Variants in SYT1 observed in about 807,000 individuals in gnomAD.
The protein encoded by SYT1 is synaptotagmin-1.
A neutral mutation model predicts 44.8 loss-of-function variants in SYT1; 8 were observed. That is an observed-to-expected ratio of 0.18 (90% CI 0.10 to 0.32). The LOEUF is 0.32. Ranked by LOEUF, SYT1 falls within the 10% of genes least tolerant of loss-of-function variation. The pLI is 1.00. For missense variants in SYT1, 286 were observed against 509.3 expected (o/e 0.56, Z 4.22); for synonymous variants, 154 against 188.8 (o/e 0.82, Z 1.51).
intron 9 of SYT1, among the ~76,000 whole-genome samples, chr12:79,411,976 C>T (rs759777908): frequency 1.3e-5 from 2 of 152,002 alleles, no homozygotes; most frequent in African/African-American, 2.4e-5. Context: ...GTTGGCATGG[C>T]GAGTCTGTAC....
chr12:78,933,525 C>T (rs942911183), intron 1 of SYT1, among the ~76,000 whole-genome samples: 2 of 151,930 alleles, frequency 1.3e-5, no homozygotes, highest in Non-Finnish European at 2.9e-5. Flanking sequence ...TCTTAAGGTC[C>T]TGTTTCTCAA....
chr12:79,243,766 G>A (rs1876654133), intron 4 of SYT1, among the ~76,000 whole-genome samples: 1 of 151,294 alleles, frequency 6.6e-6, no homozygotes, highest in Non-Finnish European at 1.5e-5. Context: ...AGGAAAAAAA[G>A]GTAACATTAC....
intron 4 of SYT1, among the ~76,000 whole-genome samples, chr12:79,236,170 T>C (rs1405498): frequency 0.69 from 104,415 of 152,096 alleles, 36,224 homozygotes; most frequent in Admixed American, 0.72. Flanking sequence ...GCCAGCCCAT[T>C]GTACATAAAT....
chr12:79,332,046 G>A (rs1881880013), intron 8 of SYT1, among the ~76,000 whole-genome samples: 2 of 152,068 alleles, frequency 1.3e-5, no homozygotes, highest in African/African-American at 4.8e-5. Flanking sequence ...AACATATGCT[G>A]TTAAAAAAAT....
At chr12:79,158,739 A>G (rs1437135539) in intron 3 of SYT1, among the ~76,000 whole-genome samples, 1 of 152,044 alleles carries the variant, frequency 6.6e-6, no homozygotes, top group Non-Finnish European at 1.5e-5. Context: ...CTCTACAAAA[A>G]ATACAAAAAT....
intron 4 of SYT1, among the ~76,000 whole-genome samples, chr12:79,256,395 T>C (rs1877518916): frequency 6.6e-6 from 1 of 152,234 alleles, no homozygotes; most frequent in African/African-American, 2.4e-5. Flanking sequence ...TCCAGATTGA[T>C]TTTAATATAT....
chr12:79,175,964 A>G (rs985406992), intron 3 of SYT1, among the ~76,000 whole-genome samples: 1 of 152,042 alleles, frequency 6.6e-6, no homozygotes, highest in Non-Finnish European at 1.5e-5. Flanking sequence ...TTTTCACACT[A>G]TTGGTCCTTA....
intron 2 of SYT1, among the ~76,000 whole-genome samples, chr12:79,041,305 A>G (rs899081650): frequency 6.6e-6 from 1 of 152,150 alleles, no homozygotes; most frequent in Non-Finnish European, 1.5e-5. Context: ...TTCATTGAGC[A>G]GTGGTTTGTA....
intron 8 of SYT1, among the ~76,000 whole-genome samples, chr12:79,302,590 T>A (rs575263305): frequency 6.6e-6 from 1 of 152,144 alleles, no homozygotes; most frequent in Non-Finnish European, 1.5e-5. Context: ...GTGGAAGAGA[T>A]AAGGTGTACC....
chr12:78,973,227 T>C (rs61928068), intron 1 of SYT1, among the ~76,000 whole-genome samples: 1 of 152,192 alleles, frequency 6.6e-6, no homozygotes, highest in Admixed American at 6.5e-5. Flanking sequence ...AATTAACATA[T>C]GCATTACCTC....
At chr12:79,423,112 G>C (rs1033268922) in intron 9 of SYT1, among the ~76,000 whole-genome samples, 5 of 152,100 alleles carry the variant, frequency 3.3e-5, no homozygotes, top group South Asian at 2.1e-4. Flanking sequence ...GGGAGTTCAG[G>C]GTTAGAAGCT....
chr12:79,096,621 G>A (rs1017654696), intron 3 of SYT1, among the ~76,000 whole-genome samples: 1 of 151,946 alleles, frequency 6.6e-6, no homozygotes, highest in Non-Finnish European at 1.5e-5. Context: ...GGCATTTTAG[G>A]TGAAATAAGC....
At chr12:79,429,461 G>A (rs1023068747) in intron 9 of SYT1, among the ~76,000 whole-genome samples, 2 of 151,772 alleles carry the variant, frequency 1.3e-5, no homozygotes, top group Non-Finnish European at 1.5e-5. Flanking sequence ...CGCCCGTCTC[G>A]GCCTCCCAAA....
At chr12:78,966,708 A>C (rs1868258310) in intron 1 of SYT1, among the ~76,000 whole-genome samples, 1 of 152,162 alleles carries the variant, frequency 6.6e-6, no homozygotes, top group Non-Finnish European at 1.5e-5. Flanking sequence ...ATGTGTGTTA[A>C]TTTCCCACTA....
chr12:79,089,291 T>C (rs1373557736), intron 3 of SYT1, among the ~76,000 whole-genome samples: 1 of 152,048 alleles, frequency 6.6e-6, no homozygotes, highest in Non-Finnish European at 1.5e-5. Context: ...TACTAGTAGC[T>C]TGGCAACAGT....
At chr12:79,303,214 T>G (rs1374678808) in intron 8 of SYT1, among the ~76,000 whole-genome samples, 2 of 152,176 alleles carry the variant, frequency 1.3e-5, no homozygotes, top group African/African-American at 4.8e-5. Flanking sequence ...AAATTTCACT[T>G]ATGTGCAGTT....
intron 2 of SYT1, among the ~76,000 whole-genome samples, chr12:79,000,026 A>G (rs1035446317): frequency 6.6e-6 from 1 of 151,794 alleles, no homozygotes; most frequent in African/African-American, 2.4e-5. Flanking sequence ...AACATTACCA[A>G]TATTAGATCA....
chr12:79,375,392 A>G (rs1485230469), intron 9 of SYT1, among the ~76,000 whole-genome samples: 1 of 152,172 alleles, frequency 6.6e-6, no homozygotes, highest in African/African-American at 2.4e-5. Flanking sequence ...AGTGTAGAGG[A>G]GCTGCTAAGA....
At chr12:79,057,138 A>G (rs2137823185) in intron 3 of SYT1, among the ~76,000 whole-genome samples, 1 of 152,168 alleles carries the variant, frequency 6.6e-6, no homozygotes, top group Middle Eastern at 3.4e-3. Context: ...GAATTGAATC[A>G]TTACAAATAC....
Sources: gnomAD v4.1 joint callset for allele counts (sites outside exome capture counted in the v4.1 genomes callset) on GRCh38, gnomAD v4.1.1 for gene constraint, MANE v1.5 for transcripts, NCBI Gene and HGNC (gene_info 2026-07-23, HGNC 2026-07-21) for gene names.